Variants in USP44 observed in about 807,000 individuals in gnomAD.
USP44 encodes the protein ubiquitin carboxyl-terminal hydrolase 44.
USP44 carries 61 observed loss-of-function variants against 69.0 expected under a neutral mutation model. The ratio of observed to expected loss-of-function variants is 0.88; its 90% CI spans 0.72 to 1.09. The LOEUF (loss-of-function observed/expected upper bound fraction) is 1.09, where lower values mean the gene tolerates loss of function less well. USP44 is among the 50% of genes least tolerant of loss of function. The pLI, the probability that USP44 is intolerant of heterozygous loss-of-function variation, is 0.00. For synonymous variants in USP44, 297 were observed against 295.4 expected (o/e 1.01, Z -0.06); for missense variants, 753 against 849.9 (o/e 0.89, Z 1.42).
At chr12:95,519,939 C>T (rs1238639110) in intron 5 of USP44, among the ~76,000 whole-genome samples, 1 of 120,508 alleles carries the variant, frequency 8.3e-6, no homozygotes, top group Non-Finnish European at 1.6e-5. Flanking sequence ...ACTTGGGAGG[C>T]GGAGGTTGCA....
chr12:95,529,188 T>A (rs1472512464), intron 2 of USP44, among the ~76,000 whole-genome samples, 186 bp from the exon 3 acceptor site: 1 of 152,210 alleles, frequency 6.6e-6, no homozygotes, highest in Non-Finnish European at 1.5e-5. Flanking sequence ...AAAAGATTGT[T>A]ATCAGAGCCA....
At chr12:95,547,237 GGACT>G (rs1337002274) in intron 1 of USP44, among the ~76,000 whole-genome samples, 2 of 152,172 alleles carry the variant, frequency 1.3e-5, no homozygotes, top group African/African-American at 4.8e-5. Flanking sequence ...TGTATGCACT[GGACT>G]AACTGTTCAA....
chr12:95,526,640 T>C (rs1592686060), intron 3 of USP44, among the ~76,000 whole-genome samples: 1 of 152,170 alleles, frequency 6.6e-6, no homozygotes, highest in African/African-American at 2.4e-5. Context: ...ACAGCACTTA[T>C]ACAAAAGTGT....
chr12:95,534,957 A>C (rs576842696), intron 1 of USP44, among the ~76,000 whole-genome samples: 1 of 152,330 alleles, frequency 6.6e-6, no homozygotes, highest in Admixed American at 6.5e-5. Flanking sequence ...CTGGGATTAC[A>C]GGCGTGAACC....
At chr12:95,524,409 A>G (rs966452978) in intron 4 of USP44, 6 of 192,818 alleles carry the variant, frequency 3.1e-5, no homozygotes, top group Non-Finnish European at 6.2e-5. Flanking sequence ...ATGTGGGTGG[A>G]TCGCTTGAGC....
chr12:95,547,106 C>A (rs1025346489), intron 1 of USP44: 2 of 152,168 alleles, frequency 1.3e-5, no homozygotes, highest in Non-Finnish European at 2.9e-5. Flanking sequence ...GTATATTATA[C>A]TAAATGCAGG....
rs769319741 is a variant in USP44, at chr12:95,533,989, T to C, written c.268A>G (p.Asn90Asp). 1.2e-6 allele frequency: 2 copies of C among 1,614,206 alleles called. No individual in the cohort carries two copies. The highest frequency in any genetic ancestry group is 1.7e-6 in the Non-Finnish European group (2 of 1,180,020). ...AGTAACTTCAGGTCTCCAGTTGTGT[T>C]ATCATTCAGAACATAATCATCACAA... ...YLCDDYVLND[N>D]TTGDLKLLRR... The change falls in exon 2 of 6, where the codon AAC (asparagine) becomes GAC (aspartate). Residue 90 changes from asparagine to aspartate, a missense_variant. Coordinates refer to ENST00000258499, the MANE Select transcript of USP44 (RefSeq NM_032147.5).
intron 1 of USP44, among the ~76,000 whole-genome samples, chr12:95,542,747 T>C (rs1315621558): frequency 6.9e-6 from 1 of 143,964 alleles, no homozygotes; most frequent in Non-Finnish European, 1.5e-5. Context: ...CAAGACTCCA[T>C]CTCAAAAAAA....
intron 3 of USP44, among the ~76,000 whole-genome samples, chr12:95,528,083 C>G (rs1194766037): frequency 2.0e-5 from 3 of 152,156 alleles, no homozygotes; most frequent in Non-Finnish European, 4.4e-5. Context: ...AGGTGATCTG[C>G]CCACCTCGGC....
chr12:95,528,850 A>G lies in USP44; in HGVS notation c.1581T>C (p.Thr527=). The part of the protein sequence containing the change: ...VTEMLAKFTE[T]EALEGKIYVC... ...CGTAGATTTTTCCTTCTAAAGCTTC[A>G]GTTTCTGTAAATTTGGCCAACATTT... The change falls in exon 3 of 6, where the codon ACT becomes ACC. Residue 527 remains threonine (T), a synonymous_variant. Coordinates refer to ENST00000258499, the MANE Select transcript of USP44 (RefSeq NM_032147.5). 6.2e-7 allele frequency: 1 copy of G among 1,614,050 alleles called. No homozygotes were observed. The highest frequency in any genetic ancestry group is 8.5e-7 in the Non-Finnish European group (1 of 1,180,000).
At chr12:95,536,055 T>A (rs2140312552) in intron 1 of USP44, among the ~76,000 whole-genome samples, 1 of 147,406 alleles carries the variant, frequency 6.8e-6, no homozygotes, top group Non-Finnish European at 1.5e-5. Flanking sequence ...TTTTTTTTTT[T>A]TTTTTGAGAT....
At chr12:95,529,510 G>T (rs1379892684) in intron 2 of USP44, among the ~76,000 whole-genome samples, 3 of 151,486 alleles carry the variant, frequency 2.0e-5, no homozygotes, top group African/African-American at 7.3e-5. Flanking sequence ...TGCAACCTCT[G>T]GCTCTTAGGT....
In USP44 at chr12:95,548,643, A is replaced by G. The variant is rs2077655441; in HGVS notation, c.-71+2629T>C. 6.6e-6 allele frequency: 1 copy of G among 151,384 alleles called. No homozygotes were observed. Among genetic ancestry groups the G allele is most frequent in the Non-Finnish European group, 1.5e-5 (1 of 67,898 alleles). The allele number at this position is 151,384 out of a possible 1,614,324, so 9.4% of individuals were successfully genotyped here. ...GGCTCTCCCTCTCTCAGGACCCCCC[A>G]GCGCCCTGCGCGGCGAGAATAGGCC... On this transcript the variant is annotated intron_variant, in intron 1 of 5. Coordinates refer to ENST00000258499, the MANE Select transcript of USP44 (RefSeq NM_032147.5). The surrounding 1 kb of genome is among the most constrained non-coding windows in gnomAD (Gnocchi z 4.1).
At position 95,548,777 on chromosome 12, in the gene USP44, G is replaced by A. The variant is rs2077662915; in HGVS notation, c.-71+2495C>T. On this transcript the variant is annotated intron_variant, in intron 1 of 5. Transcript: ENST00000258499. This position sits in a 1 kb window ranked among gnomAD's most constrained non-coding sequence, Gnocchi z 4.1. Reference sequence around the variant, plus strand: ...CGCCCTCGCGCACACTCACCAGCCCGAGCCGGGGCGGCCATCTTAGCGCTC... The same window carrying A: ...CGCCCTCGCGCACACTCACCAGCCCAAGCCGGGGCGGCCATCTTAGCGCTC... 6.6e-6 allele frequency: 1 copy of A among 151,132 alleles called. No individual in the cohort carries two copies. Among genetic ancestry groups the A allele is most frequent in the Non-Finnish European group, 1.5e-5 (1 of 67,762 alleles). The allele number at this position is 151,132 out of a possible 1,614,324, so 9.4% of individuals were successfully genotyped here.
chr12:95,530,136 A>G (rs1224126085), intron 2 of USP44, among the ~76,000 whole-genome samples: 1 of 152,258 alleles, frequency 6.6e-6, no homozygotes, highest in Non-Finnish European at 1.5e-5. Flanking sequence ...CCTCTTTCAT[A>G]CAAGCTATAG....
intron 3 of USP44, among the ~76,000 whole-genome samples, chr12:95,525,073 TTTTA>T (rs1224869370): frequency 6.6e-6 from 1 of 152,224 alleles, no homozygotes; most frequent in Non-Finnish European, 1.5e-5. Context: ...GCTATAATAT[TTTTA>T]TTTATTTATT....
intron 1 of USP44, among the ~76,000 whole-genome samples, chr12:95,543,350 G>A (rs2077454400): frequency 6.8e-6 from 1 of 147,112 alleles, no homozygotes; most frequent in African/African-American, 2.5e-5. Context: ...GTTGCAGTGG[G>A]CCGAGATCAT....
At chr12:95,536,943 C>T (rs894356531) in intron 1 of USP44, among the ~76,000 whole-genome samples, 4 of 152,196 alleles carry the variant, frequency 2.6e-5, no homozygotes, top group African/African-American at 7.2e-5. Flanking sequence ...TTGCCCTAAT[C>T]ATCCCCAAGC....
chr12:95,517,027 T>G lies in USP44; in HGVS notation c.*1127A>C, dbSNP rs995675953. The G allele has an allele frequency of 6.6e-6, 1 of 151,546 alleles. No homozygotes were observed. Among genetic ancestry groups the G allele is most frequent in the Non-Finnish European group, 1.5e-5 (1 of 67,940 alleles). The allele number at this position is 151,546 out of a possible 1,614,324, so 9.4% of individuals were successfully genotyped here. On this transcript the variant is annotated 3_prime_UTR_variant, in exon 6 of 6. Transcript: ENST00000258499. ...GGACTTTAAAGAAACCCAGTGAGAT[T>G]ATCAGAAGAAGAAAAAGAGTGACTC...
Sources: gnomAD v4.1 joint callset for allele counts (sites outside exome capture counted in the v4.1 genomes callset) on GRCh38, gnomAD v4.1.1 for gene constraint, Gnocchi (gnomAD v3.1) non-coding constraint, MANE v1.5 for transcripts, NCBI Gene and HGNC (gene_info 2026-07-23, HGNC 2026-07-21) for gene names.